The following ALG13 variants were observed in gnomAD, a reference collection of about 807,000 sequenced individuals.
ALG13 encodes UDP-N-acetylglucosamine transferase subunit ALG13.
In ALG13, 11 loss-of-function variants were observed where a neutral mutation model predicts 87.8. The observed-to-expected ratio is 0.13, with a 90% CI of 0.08 to 0.21. The LOEUF (loss-of-function observed/expected upper bound fraction) is 0.21, where lower values mean the gene tolerates loss of function less well. ALG13 is among the 10% of genes least tolerant of loss of function. The pLI is 1.00. For missense variants in ALG13, 756 were observed against 866.1 expected (o/e 0.87, Z 1.60); for synonymous variants, 320 against 306.3 (o/e 1.04, Z -0.47).
intron 24 of ALG13, 113 bp downstream of exon 24, chrX:111,745,017 T>G (rs1944113209): frequency 3.7e-5 from 23 of 625,526 alleles, no homozygotes; most frequent in Non-Finnish European, 5.1e-6. Flanking sequence ...AAAATTGACT[T>G]GAGAACACAA....
rs1175800916 is a variant in ALG13, at chrX:111,713,445, CAGTT to C, written c.1005+150_1005+153del. ...TGTTACTAGCATTTTCCTCTCTAGT[CAGTT>C]AATCTCAGTGTTGTTAGCCCTCTAA... On this transcript the variant is annotated intron_variant, in intron 8 of 26. Coordinates refer to ENST00000394780, the MANE Select transcript of ALG13 (RefSeq NM_001099922.3). The C allele has an allele frequency of 6.7e-6, 3 of 447,455 alleles. No homozygotes were observed. The African/African-American group carries it at 7.4e-5, about 11-fold the overall frequency. 36.9% of individuals were successfully genotyped at this position (447,455 alleles called of 1,213,427 possible).
intron 24 of ALG13, among the ~76,000 whole-genome samples, chrX:111,746,276 G>A (rs1423041418): frequency 8.9e-6 from 1 of 112,005 alleles, no homozygotes; most frequent in Non-Finnish European, 1.9e-5. Flanking sequence ...CCCTATCAAA[G>A]TATAAAGTAT....
chrX:111,686,164 C>A, intron 3 of ALG13: 2 of 1,118,177 alleles, frequency 1.8e-6, no homozygotes, highest in Non-Finnish European at 1.2e-6. Context: ...AGAAGCTTGC[C>A]AAAGGGCCAG....
chrX:111,752,916 C>A, intron 25 of ALG13, 86 bp downstream of exon 25: 1 of 660,291 alleles, frequency 1.5e-6, no homozygotes, highest in Non-Finnish European at 2.3e-6. Flanking sequence ...ACTTCGAAAG[C>A]CAAAATCACT....
At chrX:111,726,232 GTT>G (rs1213050998) in intron 15 of ALG13, among the ~76,000 whole-genome samples, 8 of 60,190 alleles carry the variant, frequency 1.3e-4, no homozygotes, top group African/African-American at 2.2e-4. Flanking sequence ...GGCGTGTTTT[GTT>G]TTTTTTTTTT....
chrX:111,684,928 T>G, intron 2 of ALG13, 37 bp from the exon 3 acceptor site: 1 of 1,168,567 alleles, frequency 8.6e-7, no homozygotes, highest in Non-Finnish European at 1.1e-6. Context: ...TTAACTTATT[T>G]CAAATTGTGT....
chrX:111,699,022 T>C (rs1350729525), intron 3 of ALG13, among the ~76,000 whole-genome samples: 1 of 112,233 alleles, frequency 8.9e-6, no homozygotes, highest in African/African-American at 3.2e-5. Flanking sequence ...CCAACACTTG[T>C]TATCTTTCAT....
chrX:111,685,497 C>T (rs1296288328), intron 3 of ALG13, among the ~76,000 whole-genome samples: 1 of 112,048 alleles, frequency 8.9e-6, no homozygotes, highest in Admixed American at 9.5e-5. Flanking sequence ...ACTAAAATCC[C>T]TAAATTATAT....
At chrX:111,701,803 A>T (rs982714677) in intron 3 of ALG13, among the ~76,000 whole-genome samples, 2 of 111,340 alleles carry the variant, frequency 1.8e-5, no homozygotes, top group African/African-American at 6.5e-5. Context: ...GGCATTTACC[A>T]CTATAAATTT....
intron 3 of ALG13, among the ~76,000 whole-genome samples, chrX:111,687,069 C>T (rs766920060): frequency 3.1e-4 from 34 of 110,950 alleles, no homozygotes; most frequent in African/African-American, 9.5e-4. Flanking sequence ...GCAATTCTCC[C>T]GAATAGCTGG....
At chrX:111,732,921 A>G (rs1358018913) in intron 21 of ALG13, among the ~76,000 whole-genome samples, 1 of 111,156 alleles carries the variant, frequency 9.0e-6, no homozygotes, top group African/African-American at 3.3e-5. Context: ...ACCACAAGGG[A>G]TGACAAGAAT....
chrX:111,729,576 C>A (rs1012113611), intron 19 of ALG13, among the ~76,000 whole-genome samples: 1 of 111,488 alleles, frequency 9.0e-6, no homozygotes, highest in African/African-American at 3.3e-5. Flanking sequence ...TTTGAAATAA[C>A]CAAATCTTTG....
chrX:111,694,683 A>G (rs1327084098), intron 3 of ALG13, among the ~76,000 whole-genome samples: 2 of 112,159 alleles, frequency 1.8e-5, no homozygotes, highest in Non-Finnish European at 3.8e-5. Context: ...AGACGCATAT[A>G]GTACATCTTT....
At position 111,757,908 on chromosome X, in the gene ALG13, A is replaced by G. The variant is rs903896549; in HGVS notation, c.3148+146A>G. On this transcript the variant is annotated intron_variant, in intron 26 of 26. Transcript: ENST00000394780. The stretch of plus-strand genomic sequence containing the variant: ...ATATGTGGACCTCTTGTGGTCCCTA[A>G]GACTCTTTCAAGGGATTCATGAGGT... The G allele has an allele frequency of 7.4e-6, 4 of 542,856 alleles. No individual in the cohort carries two copies. In the Admixed American group the frequency reaches 1.2e-4, roughly 16 times the overall value. The allele number at this position is 542,856 out of a possible 1,213,427, so 44.7% of individuals were successfully genotyped here.
intron 23 of ALG13, chrX:111,737,095 C>T (rs1338905489): frequency 2.0e-5 from 6 of 295,251 alleles, no homozygotes; most frequent in Non-Finnish European, 2.9e-5. Flanking sequence ...AGATTTTATA[C>T]CTTTCATTTT....
At position 111,759,914 on chromosome X, in the gene ALG13, A is replaced by C; in HGVS notation, c.3329A>C (p.Gln1110Pro). The C allele has an allele frequency of 8.3e-7, 1 of 1,210,661 alleles. No individual in the cohort carries two copies. The highest frequency in any genetic ancestry group is 1.1e-6 in the Non-Finnish European group (1 of 895,119). Residue 1110 changes from glutamine (Q) to proline (P), a missense_variant, in exon 27 of 27, where the codon CAA (glutamine) becomes CCA (proline). Gln to Pro is a moderately conservative substitution (Grantham distance 76, BLOSUM62 -1). Coordinates refer to ENST00000394780, the MANE Select transcript of ALG13 (RefSeq NM_001099922.3). ...PVGTAYGGSSQIHGAINPGPI... is the reference protein window; with the variant it reads ...PVGTAYGGSSPIHGAINPGPI... ...GGTACAGCATATGGTGGTTCTTCTC[A>C]AATTCATGGTGCTATAAATCCTGGG...
intron 26 of ALG13, among the ~76,000 whole-genome samples, chrX:111,759,436 T>C (rs993495637): frequency 8.9e-6 from 1 of 111,737 alleles, no homozygotes; most frequent in Non-Finnish European, 1.9e-5. Flanking sequence ...TTTAATTAAC[T>C]AGAAGGACTC....
chrX:111,711,116 C>G (rs1481851041), intron 5 of ALG13: 1 of 112,421 alleles, frequency 8.9e-6, no homozygotes, highest in Non-Finnish European at 1.9e-5. Flanking sequence ...AGTTTAATTT[C>G]ATTTTTATTG....
At chrX:111,682,547 T>A (rs1933720143) in intron 2 of ALG13, among the ~76,000 whole-genome samples, 1 of 112,204 alleles carries the variant, frequency 8.9e-6, no homozygotes, top group Non-Finnish European at 1.9e-5. Flanking sequence ...TAGCCCTTTT[T>A]GAATACACAA....
Sources: gnomAD v4.1 joint callset for allele counts (sites outside exome capture counted in the v4.1 genomes callset) on GRCh38, gnomAD v4.1.1 for gene constraint, MANE v1.5 for transcripts, NCBI Gene and HGNC (gene_info 2026-07-23, HGNC 2026-07-21) for gene names.